Variants in TRAPPC9 observed in about 807,000 individuals in gnomAD.
TRAPPC9 encodes trafficking protein particle complex subunit 9.
TRAPPC9 carries 83 observed loss-of-function variants against 124.0 expected under a neutral mutation model. The ratio of observed to expected loss-of-function variants is 0.67; its 90% CI spans 0.56 to 0.80. The LOEUF (loss-of-function observed/expected upper bound fraction) is 0.80, where lower values mean the gene tolerates loss of function less well. Among genes scored for constraint, TRAPPC9 ranks in the 30% least tolerant of loss-of-function variants. TRAPPC9 has a pLI of 0.00. For missense variants in TRAPPC9, 1,302 were observed against 1,508.3 expected (o/e 0.86, Z 2.27); for synonymous variants, 638 against 617.5 (o/e 1.03, Z -0.49).
chr8:139,996,174 A>G (rs968598007), intron 18 of TRAPPC9, among the ~76,000 whole-genome samples: 2 of 147,064 alleles, frequency 1.4e-5, no homozygotes, highest in African/African-American at 4.9e-5. Flanking sequence ...AAAAAAAAAA[A>G]AAAAAAAAGA....
At position 140,257,508 on chromosome 8, in the gene TRAPPC9, A is replaced by AC. The variant is rs1382466716; in HGVS notation, c.2279-4580dup. 6.6e-6 allele frequency among the ~76,000 whole-genome samples: 1 copy of AC among 152,034 alleles called. No individual in the cohort carries two copies. The highest frequency in any genetic ancestry group is 2.4e-5 in the African/African-American group (1 of 41,392). ...CAGGAGCCCAGGAGTGGGAAAAAGG[A>AC]CCCCGTGCCATGCGAGCGCACAGGG... is the stretch of plus-strand genomic sequence containing the variant. On this transcript the variant is annotated intron_variant, in intron 15 of 22. Coordinates refer to ENST00000438773, the MANE Select transcript of TRAPPC9 (RefSeq NM_001160372.4). This position sits in a 1 kb window ranked among gnomAD's most constrained non-coding sequence, Gnocchi z 4.6.
intron 9 of TRAPPC9, among the ~76,000 whole-genome samples, chr8:140,314,009 C>T (rs989229737): frequency 1.3e-5 from 2 of 152,172 alleles, no homozygotes; most frequent in African/African-American, 4.8e-5. Context: ...TAAATTGTTG[C>T]CAGATCTATT....
rs112968442 is a variant in TRAPPC9 at position 140,011,399 on chromosome 8, A to G, written c.2699+12538T>C. Reference sequence around the variant, plus strand: ...TATTATATATATTTAGATGAATTAAAAATTTGGAAAAATTTGTGTCAAATT... The same window carrying G: ...TATTATATATATTTAGATGAATTAAGAATTTGGAAAAATTTGTGTCAAATT... On this transcript the variant is annotated intron_variant, in intron 18 of 22. Coordinates refer to ENST00000438773, the MANE Select transcript of TRAPPC9 (RefSeq NM_001160372.4). Among the ~76,000 whole-genome samples the G allele has an allele frequency of 1.1e-3, 166 of 151,838 alleles. 3 individuals carry two copies. The highest frequency in any genetic ancestry group is 3.4e-3 in the African/African-American group (142 of 41,472).
intron 15 of TRAPPC9, among the ~76,000 whole-genome samples, chr8:140,254,613 G>T (rs2064204595): frequency 6.6e-6 from 1 of 152,204 alleles, no homozygotes; most frequent in Admixed American, 6.5e-5. Context: ...CTCCCAGGAA[G>T]GGCCCAGCTT....
chr8:139,849,017 CCT>C (rs1416539162), intron 21 of TRAPPC9, among the ~76,000 whole-genome samples: 1 of 152,210 alleles, frequency 6.6e-6, no homozygotes, highest in Non-Finnish European at 1.5e-5. Flanking sequence ...TTCCCGGCCC[CCT>C]GATTCTGCCT....
intron 21 of TRAPPC9, among the ~76,000 whole-genome samples, chr8:139,801,332 C>G (rs1421765753): frequency 6.6e-6 from 1 of 152,266 alleles, no homozygotes; most frequent in Non-Finnish European, 1.5e-5. Context: ...CACACCCCAG[C>G]ATCCCAGCCC....
intron 9 of TRAPPC9, among the ~76,000 whole-genome samples, chr8:140,336,311 G>A (rs891426922): frequency 6.6e-6 from 1 of 152,156 alleles, no homozygotes; most frequent in Non-Finnish European, 1.5e-5. Flanking sequence ...ACTGTGTATA[G>A]TCTGTGGCTG....
chr8:140,352,726 C>G (rs60598280), intron 9 of TRAPPC9, among the ~76,000 whole-genome samples: 5,249 of 152,248 alleles, frequency 0.034, 206 homozygotes, highest in African/African-American at 0.095. Context: ...AGTCAGAGCA[C>G]TGCTAGAGTT....
chr8:140,111,649 T>C (rs1482872971), intron 17 of TRAPPC9, among the ~76,000 whole-genome samples: 1 of 152,238 alleles, frequency 6.6e-6, no homozygotes, highest in East Asian at 1.9e-4. Flanking sequence ...GAGTCATGCA[T>C]TCATTAAAAG....
chr8:139,803,781 A>G (rs369392220), intron 21 of TRAPPC9, among the ~76,000 whole-genome samples: 1 of 152,164 alleles, frequency 6.6e-6, no homozygotes, highest in South Asian at 2.1e-4. Flanking sequence ...CACGCTGTCT[A>G]GTTTCTTTTC....
intron 21 of TRAPPC9, among the ~76,000 whole-genome samples, chr8:139,746,345 C>T (rs1352708185): frequency 6.6e-6 from 1 of 152,224 alleles, no homozygotes; most frequent in Non-Finnish European, 1.5e-5. Flanking sequence ...ACCAAGGGGA[C>T]TTAGAGGGAA....
chr8:140,155,333 G>T (rs2061610106), intron 17 of TRAPPC9, among the ~76,000 whole-genome samples: 1 of 152,188 alleles, frequency 6.6e-6, no homozygotes, highest in South Asian at 2.1e-4. Context: ...CCCATGAGTG[G>T]AAGCTGCGGG....
At chr8:139,898,215 G>T (rs73366292) in intron 20 of TRAPPC9, among the ~76,000 whole-genome samples, 2,022 of 152,330 alleles carry the variant, frequency 0.013, 39 homozygotes, top group African/African-American at 0.045. Flanking sequence ...ACAGCACTTG[G>T]CAGGCTGCCC....
At chr8:140,425,428 C>T (rs951234612) in intron 5 of TRAPPC9, among the ~76,000 whole-genome samples, 7 of 152,154 alleles carry the variant, frequency 4.6e-5, no homozygotes, top group Non-Finnish European at 8.8e-5. Context: ...TAACAAAGCC[C>T]CACAGAATCT....
intron 17 of TRAPPC9, among the ~76,000 whole-genome samples, chr8:140,215,532 G>A (rs1371813969): frequency 1.3e-5 from 2 of 151,842 alleles, no homozygotes; most frequent in Non-Finnish European, 2.9e-5. Context: ...TGTAGTCCCA[G>A]CTACTTGGGA....
intron 16 of TRAPPC9, among the ~76,000 whole-genome samples, chr8:140,233,654 A>ACACACACACACACACACACACAC (rs1563868284): frequency 2.6e-5 from 1 of 38,204 alleles, no homozygotes; most frequent in African/African-American, 8.5e-5. Context: ...CACACACATA[A>ACACACACACACACACACACACAC]ACACACCCTC....
chr8:140,297,315 C>G (rs1441589186), intron 11 of TRAPPC9, among the ~76,000 whole-genome samples: 1 of 152,064 alleles, frequency 6.6e-6, no homozygotes, highest in East Asian at 1.9e-4. Context: ...CACACACACA[C>G]ATGCATGCAC....
At chr8:140,293,026 A>C (rs570949831) in intron 11 of TRAPPC9, among the ~76,000 whole-genome samples, 1 of 147,888 alleles carries the variant, frequency 6.8e-6, no homozygotes, top group African/African-American at 2.6e-5. Flanking sequence ...CAAGAAAAAA[A>C]CAAACAACCC....
chr8:140,179,635 T>C (rs911784236), intron 17 of TRAPPC9, among the ~76,000 whole-genome samples: 1 of 152,132 alleles, frequency 6.6e-6, no homozygotes, highest in African/African-American at 2.4e-5. Context: ...TGACATTCTT[T>C]CTATTTGATC....
Sources: gnomAD v4.1 joint callset for allele counts (sites outside exome capture counted in the v4.1 genomes callset) on GRCh38, gnomAD v4.1.1 for gene constraint, Gnocchi (gnomAD v3.1) non-coding constraint, MANE v1.5 for transcripts, NCBI Gene and HGNC (gene_info 2026-07-23, HGNC 2026-07-21) for gene names.